Variants in PCMT1 observed in about 807,000 individuals in gnomAD.
PCMT1 encodes the protein protein-L-isoaspartate (D-aspartate) O-methyltransferase.
In PCMT1, 9 loss-of-function variants were observed where a neutral mutation model predicts 29.2. The observed-to-expected ratio is 0.31, with a 90% CI of 0.19 to 0.54. PCMT1 has a LOEUF of 0.54. Ranked by LOEUF, PCMT1 falls within the 20% of genes least tolerant of loss-of-function variation. PCMT1 has a pLI of 0.95. For synonymous variants in PCMT1, 98 were observed against 97.5 expected (o/e 1.00, Z -0.03); for missense variants, 184 against 282.2 (o/e 0.65, Z 2.49).
chr6:149,796,440 TGAA>T lies in PCMT1; in HGVS notation c.449_451del (p.Glu150del). The T allele has an allele frequency of 6.2e-7, 1 of 1,613,850 alleles. No homozygotes were observed. Among genetic ancestry groups the T allele is most frequent in the Non-Finnish European group, 8.5e-7 (1 of 1,179,890 alleles). ...TGGGGGATGGAAGAATGGGATATGCTGAAGAAGCCCCTTATGATGCCATTCATG... is the reference window on the plus strand; with the variant it reads ...TGGGGGATGGAAGAATGGGATATGCTGAAGCCCCTTATGATGCCATTCATG... On this transcript the variant is annotated inframe_deletion, in exon 6 of 8. Transcript: ENST00000464889.
rs372773939 is a variant in PCMT1 at position 149,769,308 on chromosome 6, C to CTTTTTTTTTTTTTTTTTTT, written c.56-1848_56-1830dup. 8.8e-4 allele frequency among the ~76,000 whole-genome samples: 63 copies of CTTTTTTTTTTTTTTTTTTT among 71,544 alleles called. 17 individuals are homozygous for CTTTTTTTTTTTTTTTTTTT. Among genetic ancestry groups the CTTTTTTTTTTTTTTTTTTT allele is most frequent in the African/African-American group, 3.3e-3 (39 of 11,696 alleles). The allele number at this position is 71,544 out of a possible 152,430, so 46.9% of individuals were successfully genotyped here. ...AGTTAGCACCTATTTGTGCAGGATT[C>CTTTTTTTTTTTTTTTTTTT]TTTTTTTTTTTTTTTTTTTTTTTTG... is the stretch of plus-strand genomic sequence containing the variant. On this transcript the variant is annotated intron_variant, in intron 1 of 7. Coordinates refer to ENST00000464889, the MANE Select transcript of PCMT1 (RefSeq NM_001360452.2).
intron 1 of PCMT1, among the ~76,000 whole-genome samples, chr6:149,753,176 G>T (rs1033300841): frequency 9.2e-5 from 14 of 152,058 alleles, no homozygotes; most frequent in Non-Finnish European, 1.8e-4. Flanking sequence ...CATAAAATTT[G>T]AAAATATTGC....
At chr6:149,758,208 C>CTTTTTTTT (rs756014067) in intron 1 of PCMT1, among the ~76,000 whole-genome samples, 32 of 73,886 alleles carry the variant, frequency 4.3e-4, no homozygotes, top group East Asian at 1.0e-3. Flanking sequence ...TTCTTTCTTT[C>CTTTTTTTT]TTTTTTTTTT....
chr6:149,794,314 G>C (rs1167538773), intron 5 of PCMT1, among the ~76,000 whole-genome samples: 1 of 152,078 alleles, frequency 6.6e-6, no homozygotes, highest in Non-Finnish European at 1.5e-5. Flanking sequence ...GACACACTCA[G>C]TTTTGTTTAA....
intron 3 of PCMT1, among the ~76,000 whole-genome samples, chr6:149,774,267 T>A (rs1005979541): frequency 1.3e-5 from 2 of 151,450 alleles, no homozygotes. Flanking sequence ...TGAGATGGAG[T>A]CTCACACTGT....
chr6:149,782,765 C>A (rs115409982), intron 3 of PCMT1, among the ~76,000 whole-genome samples: 10,191 of 150,600 alleles, frequency 0.068, 924 homozygotes, highest in African/African-American at 0.21. Flanking sequence ...TAAAAAAAAA[C>A]AAAAAGAGCA....
chr6:149,809,608 C>T (rs1056421272), intron 7 of PCMT1, among the ~76,000 whole-genome samples: 3 of 152,120 alleles, frequency 2.0e-5, no homozygotes, highest in African/African-American at 2.4e-5. Flanking sequence ...TTTACCCCCA[C>T]TTACTTGTGA....
intron 1 of PCMT1, among the ~76,000 whole-genome samples, chr6:149,755,812 T>C (rs901712283): frequency 6.6e-6 from 1 of 152,210 alleles, no homozygotes; most frequent in African/African-American, 2.4e-5. Flanking sequence ...AAGTATAGTA[T>C]GTCACATGAT....
chr6:149,783,547 A>T (rs999559616), intron 3 of PCMT1, among the ~76,000 whole-genome samples: 2 of 152,106 alleles, frequency 1.3e-5, no homozygotes, highest in Non-Finnish European at 2.9e-5. Context: ...GTCCAATATT[A>T]TATACTTCTT....
chr6:149,791,071 T>G (rs1788349521), intron 4 of PCMT1, among the ~76,000 whole-genome samples: 1 of 152,018 alleles, frequency 6.6e-6, no homozygotes, highest in South Asian at 2.1e-4. Context: ...CCCCGACAAC[T>G]CAGAATTCTA....
At chr6:149,763,379 A>C (rs1171876474) in intron 1 of PCMT1, among the ~76,000 whole-genome samples, 1 of 151,050 alleles carries the variant, frequency 6.6e-6, no homozygotes, top group Non-Finnish European at 1.5e-5. Flanking sequence ...AGTTTGGTTT[A>C]AGCATCTTTT....
chr6:149,780,502 A>G (rs1787771294), intron 3 of PCMT1, among the ~76,000 whole-genome samples: 1 of 152,180 alleles, frequency 6.6e-6, no homozygotes, highest in Non-Finnish European at 1.5e-5. Flanking sequence ...ACCCATTAGC[A>G]GTCAGATCCC....
intron 1 of PCMT1, among the ~76,000 whole-genome samples, chr6:149,760,022 C>T (rs982978538): frequency 2.0e-5 from 3 of 152,150 alleles, no homozygotes; most frequent in Non-Finnish European, 2.9e-5. Context: ...TTGAAACTTA[C>T]GAGTAACATA....
rs1393652627 is a variant in PCMT1, at chr6:149,753,337, G to GT, written c.55+3393dup. On this transcript the variant is annotated intron_variant, in intron 1 of 7. Transcript: ENST00000464889. ...GGGGAAGGAAATTACATTTTTAATG[G>GT]TTTTTTTTTTTTGAGACAGAGTTTC... Among the ~76,000 whole-genome samples the GT allele has an allele frequency of 2.1e-3, 295 of 143,104 alleles. 1 individual carries two copies. The highest frequency in any genetic ancestry group is 3.7e-3 in the East Asian group (18 of 4,876). 93.9% of individuals were successfully genotyped at this position (143,104 alleles called of 152,430 possible). A position where few individuals can be genotyped will look rare whatever the true frequency, so the allele number is the denominator to read the frequency against.
intron 1 of PCMT1, among the ~76,000 whole-genome samples, chr6:149,750,431 T>G (rs1042818370): frequency 6.6e-6 from 1 of 152,066 alleles, no homozygotes; most frequent in Admixed American, 6.5e-5. Flanking sequence ...TTCCCTCTTA[T>G]GCAGCCTCCC....
At chr6:149,793,466 C>T in intron 4 of PCMT1, 83 bp from the exon 5 acceptor site, 1 of 1,258,688 alleles carries the variant, frequency 7.9e-7, no homozygotes, top group Non-Finnish European at 1.0e-6. Flanking sequence ...TAGAATATGA[C>T]TTTCGATAAG....
At chr6:149,807,475 A>G (rs1416685552) in intron 7 of PCMT1, among the ~76,000 whole-genome samples, 2 of 152,034 alleles carry the variant, frequency 1.3e-5, no homozygotes, top group East Asian at 1.9e-4. Context: ...GGTTCAAGTG[A>G]TTCTCCTGCC....
At chr6:149,793,707 T>G in intron 5 of PCMT1, 38 bp downstream of exon 5, 1 of 1,508,626 alleles carries the variant, frequency 6.6e-7, no homozygotes, top group Non-Finnish European at 8.8e-7. Flanking sequence ...CTTCAGAGGA[T>G]TTTTATTTTC....
At chr6:149,751,026 ATTTT>A (rs1330591488) in intron 1 of PCMT1, among the ~76,000 whole-genome samples, 1 of 151,944 alleles carries the variant, frequency 6.6e-6, no homozygotes, top group African/African-American at 2.4e-5. Flanking sequence ...ATTAAAAAAA[ATTTT>A]TTTTGGCCGG....
Sources: allele counts gnomAD v4.1 joint callset (sites outside exome capture counted in the v4.1 genomes callset), GRCh38; gene constraint gnomAD v4.1.1; transcripts MANE v1.5; gene names NCBI Gene and HGNC (gene_info 2026-07-23, HGNC 2026-07-21).